EGFR: variants seen among roughly 807,000 people sequenced by gnomAD.
The protein encoded by EGFR is avian erythroblastic leukemia viral (v-erb-b) oncogene homolog.
In EGFR, 58 loss-of-function variants were observed where a neutral mutation model predicts 143.0. The observed-to-expected ratio is 0.41, with a 90% CI of 0.33 to 0.50. The LOEUF (loss-of-function observed/expected upper bound fraction) is 0.50. EGFR is among the 20% of genes least tolerant of loss of function. The pLI, the probability that EGFR is intolerant of heterozygous loss-of-function variation, is 0.39. For synonymous variants in EGFR, 613 were observed against 594.4 expected, an observed-to-expected ratio of 1.03 and a Z score of -0.45; for missense variants, 1,307 against 1,579.0, an observed-to-expected ratio of 0.83 and a Z score of 2.92.
At chr7:55,128,703 AT>A (rs1315158076) in intron 1 of EGFR, among the ~76,000 whole-genome samples, 1 of 152,212 alleles carries the variant, frequency 6.6e-6, no homozygotes, top group Admixed American at 6.5e-5. Context: ...AATATATTCA[AT>A]CAGAAAATGG....
At chr7:55,097,469 C>T (rs1206000030) in intron 1 of EGFR, among the ~76,000 whole-genome samples, 1 of 152,238 alleles carries the variant, frequency 6.6e-6, no homozygotes, top group Admixed American at 6.5e-5. Flanking sequence ...AATCATCGCA[C>T]ATTCACCTGG....
Position 55,165,387 on chromosome 7 carries a change from C to G in EGFR, c.1830C>G (p.Tyr610Ter), listed in dbSNP as rs115350205. The stretch of plus-strand genomic sequence containing the variant: ...AAAACAACACCCTGGTCTGGAAGTA[C>G]GCAGACGCCGGCCATGTGTGCCACC... Reference protein sequence around the residue: ...MGENNTLVWKYADAGHVCHLC... With the variant: ...MGENNTLVWK The change falls in exon 15 of 28, where the codon TAC becomes TAG. Residue 610 changes from tyrosine to a stop codon, truncating the protein, a stop_gained. Coordinates refer to ENST00000275493, the MANE Select transcript of EGFR (RefSeq NM_005228.5). LOFTEE classifies it high-confidence loss of function. 1 of 1,614,144 alleles carries G rather than the reference C, an allele frequency of 6.2e-7. No individual in the cohort carries two copies. Among genetic ancestry groups the G allele is most frequent in the Non-Finnish European group, 8.5e-7 (1 of 1,180,022 alleles).
Position 55,206,005 on chromosome 7 carries a change from G to T in EGFR, c.*388G>T. On this transcript the variant is annotated 3_prime_UTR_variant, in exon 28 of 28. Coordinates refer to ENST00000275493, the MANE Select transcript of EGFR (RefSeq NM_005228.5). ...AATGGGCTCTTCCAACAAGGAAGAA[G>T]CTTGCTGGTAGCACTTGCTACCCTG... The T allele has an allele frequency of 2.6e-6, 1 of 384,568 alleles. No individual in the cohort carries two copies. Among genetic ancestry groups the T allele is most frequent in the East Asian group, 4.6e-5 (1 of 21,726 alleles). 23.8% of individuals were successfully genotyped at this position (384,568 alleles called of 1,614,324 possible).
chr7:55,181,623 C>A, intron 20 of EGFR, 145 bp downstream of exon 20: 1 of 978,378 alleles, frequency 1.0e-6, no homozygotes, highest in Non-Finnish European at 1.6e-6. Flanking sequence ...ATTTTGGATT[C>A]AATCAAGTTG....
At chr7:55,117,324 G>T (rs925441409) in intron 1 of EGFR, among the ~76,000 whole-genome samples, 1 of 152,172 alleles carries the variant, frequency 6.6e-6, no homozygotes, top group African/African-American at 2.4e-5. Context: ...GGCAAGAAAA[G>T]ATGAGAAATA....
chr7:55,041,398 G>A (rs963453767), intron 1 of EGFR, among the ~76,000 whole-genome samples: 4 of 151,892 alleles, frequency 2.6e-5, no homozygotes, highest in South Asian at 2.1e-4. Context: ...GCAAAAGAGC[G>A]ACACTCCATC....
rs1439563444 is a variant in EGFR, at chr7:55,210,484, T to C, written c.*4867T>C. 6.6e-6 allele frequency: 1 copy of C among 152,226 alleles called. No homozygotes were observed. The highest frequency in any genetic ancestry group is 1.5e-5 in the Non-Finnish European group (1 of 68,044). The allele number at this position is 152,226 out of a possible 1,614,324, so 9.4% of individuals were successfully genotyped here. A position where few individuals can be genotyped will look rare whatever the true frequency, so the allele number is the denominator to read the frequency against. On this transcript the variant is annotated 3_prime_UTR_variant, in exon 28 of 28. Coordinates refer to ENST00000275493, the MANE Select transcript of EGFR (RefSeq NM_005228.5). ...TCTGGGGCTGAAACCCAAGCATTCG[T>C]AGTTTTTAAAGCTCCTGAGGTCATT...
chr7:55,041,940 A>AT (rs1219925275), intron 1 of EGFR, among the ~76,000 whole-genome samples: 1 of 152,212 alleles, frequency 6.6e-6, no homozygotes, highest in African/African-American at 2.4e-5. Context: ...ACCTCTTCAT[A>AT]TAGAAGGATC....
intron 1 of EGFR, among the ~76,000 whole-genome samples, chr7:55,028,284 A>G (rs886944631): frequency 3.3e-5 from 5 of 152,032 alleles, no homozygotes; most frequent in African/African-American, 9.7e-5. Context: ...TGCATTGCAC[A>G]TAGTCTCTCT....
chr7:55,157,680 G>C lies in EGFR; in HGVS notation c.1225G>C (p.Ala409Pro), dbSNP rs2128939622. ...CCTTACAGGGTTTTTGCTGATTCAG[G>C]CTTGGCCTGAAAACAGGACGGACCT... is the stretch of plus-strand genomic sequence containing the variant. ...KEITGFLLIQAWPENRTDLHA... is the reference protein window; with the variant it reads ...KEITGFLLIQPWPENRTDLHA... Residue 409 changes from alanine (A) to proline (P), a missense_variant, in exon 11 of 28, where the codon GCT becomes CCT. By Grantham distance (27) the Ala-to-Pro change is conservative (BLOSUM62 -1). Around this residue, in one of 7 missense-constraint regions of EGFR, gnomAD observed 250 missense variants for 295.1 expected, o/e 0.85. Transcript: ENST00000275493. 1 of 1,614,200 alleles carries C rather than the reference G, an allele frequency of 6.2e-7. No individual in the cohort carries two copies. Among genetic ancestry groups the C allele is most frequent in the Non-Finnish European group, 8.5e-7 (1 of 1,180,038 alleles).
At chr7:55,053,032 G>A (rs1788581454) in intron 1 of EGFR, among the ~76,000 whole-genome samples, 1 of 152,138 alleles carries the variant, frequency 6.6e-6, no homozygotes, top group Non-Finnish European at 1.5e-5. Context: ...CTGAGTCTCG[G>A]AAAATAGCAC....
intron 1 of EGFR, among the ~76,000 whole-genome samples, chr7:55,024,369 T>C (rs1353245802): frequency 6.6e-6 from 1 of 152,188 alleles, no homozygotes; most frequent in African/African-American, 2.4e-5. Context: ...AACACTAACA[T>C]GGGGGAGTAG....
chr7:55,029,397 T>C (rs1157496059), intron 1 of EGFR, among the ~76,000 whole-genome samples: 1 of 152,194 alleles, frequency 6.6e-6, no homozygotes, highest in African/African-American at 2.4e-5. Context: ...CTTACTCCCC[T>C]TTCTTCTTCC....
At chr7:55,150,038 T>C (rs1423270893) in intron 4 of EGFR, among the ~76,000 whole-genome samples, 1 of 152,264 alleles carries the variant, frequency 6.6e-6, no homozygotes, top group Admixed American at 6.5e-5. Flanking sequence ...ACGATGTGCC[T>C]GCATTTCTTT....
At chr7:55,135,715 C>T (rs991830373) in intron 1 of EGFR, among the ~76,000 whole-genome samples, 21 of 152,140 alleles carry the variant, frequency 1.4e-4, no homozygotes, top group Non-Finnish European at 2.9e-4. Context: ...TTATTACAAA[C>T]TATTGTGTGG....
chr7:55,078,447 G>T (rs1238866999), intron 1 of EGFR, among the ~76,000 whole-genome samples: 2 of 152,222 alleles, frequency 1.3e-5, no homozygotes, highest in Non-Finnish European at 2.9e-5. Context: ...AAGCATGTGT[G>T]CTAGCTGCAC....
At position 55,054,759 on chromosome 7, in the gene EGFR, A is replaced by G. The variant is rs556655785; in HGVS notation, c.88+35394A>G. ...CCGTGCCTCCGTTCACACCACTCAC[A>G]TGGCTGTGCCTCTGCTTCCTTCTGG... On this transcript the variant is annotated intron_variant, in intron 1 of 27. Transcript: ENST00000275493. 5.9e-5 allele frequency among the ~76,000 whole-genome samples: 9 copies of G among 152,254 alleles called. No individual in the cohort carries two copies. The East Asian group carries it at 1.7e-3, about 29-fold the overall frequency.
intron 1 of EGFR, among the ~76,000 whole-genome samples, chr7:55,106,771 A>AT (rs574463091): frequency 1.4e-3 from 207 of 152,276 alleles, no homozygotes; most frequent in African/African-American, 4.7e-3. Flanking sequence ...ATGGTTTATC[A>AT]TTTATCCTCA....
Position 55,192,762 on chromosome 7 carries a change from C to G in EGFR, c.2626-4C>G. ...CTCACTGCCTCATCTCTCACCATCC[C>G]AAGGTGCCTATCAAGTGGATGGCAT... On this transcript the variant is annotated splice_polypyrimidine_tract_variant and splice_region_variant and intron_variant, in intron 21 of 27. Coordinates refer to ENST00000275493, the MANE Select transcript of EGFR (RefSeq NM_005228.5). The G allele has an allele frequency of 6.2e-7, 1 of 1,613,930 alleles. No individual in the cohort carries two copies. Among genetic ancestry groups the G allele is most frequent in the African/African-American group, 1.3e-5 (1 of 75,034 alleles).
Sources: allele counts gnomAD v4.1 joint callset (sites outside exome capture counted in the v4.1 genomes callset), GRCh38; gene constraint gnomAD v4.1.1; regional missense constraint gnomAD v4.1.1; transcripts MANE v1.5; gene names NCBI Gene and HGNC (gene_info 2026-07-23, HGNC 2026-07-21).